SMPD4: variants seen among roughly 807,000 people sequenced by gnomAD.
SMPD4 encodes the protein sphingomyelin phosphodiesterase 4, also known as neutral sphingomyelinase 3.
A neutral mutation model predicts 97.8 loss-of-function variants in SMPD4; 58 were observed. The observed-to-expected ratio is 0.59, with a 90% CI of 0.48 to 0.74. The LOEUF (loss-of-function observed/expected upper bound fraction) is 0.74. SMPD4 is among the 30% of genes least tolerant of loss of function. The probability of loss-of-function intolerance (pLI) is 0.00; values close to 1 mark genes in which losing one functional copy is unlikely to be tolerated. For synonymous variants in SMPD4, 388 were observed against 450.0 expected (o/e 0.86, Z 1.74); for missense variants, 853 against 1,080.5 (o/e 0.79, Z 2.95).
chr2:130,156,344 T>C (rs1288633240), intron 13 of SMPD4: 1 of 654,120 alleles, frequency 1.5e-6, no homozygotes, highest in Non-Finnish European at 2.7e-6. Flanking sequence ...GGGGGCAGAG[T>C]ACTCCCTGGT....
rs542245390 is a variant in SMPD4, at chr2:130,157,334, G to A, written c.1014C>T (p.His338=). ...LVVRLLLKHL[H]AFANSLKPEQ... Reference sequence around the variant, plus strand: ...CTGGCTTCAGGCTGTTGGCAAAGGCGTGCAGGTGCTTCAGCAGCAGGCGCA... The same window carrying A: ...CTGGCTTCAGGCTGTTGGCAAAGGCATGCAGGTGCTTCAGCAGCAGGCGCA... The change falls in exon 12 of 20, where the codon CAC becomes CAT. Residue 338 remains histidine (H), a synonymous_variant. Transcript: ENST00000680298. 2.2e-5 allele frequency: 35 copies of A among 1,595,068 alleles called. No homozygotes were observed. The East Asian group carries it at 2.7e-4, about 12-fold the overall frequency.
At chr2:130,181,303 G>C in intron 1 of SMPD4, 1 of 1,419,646 alleles carries the variant, frequency 7.0e-7, no homozygotes, top group Non-Finnish European at 9.2e-7. Flanking sequence ...TACCGGACCG[G>C]GACAGAGTGT....
At chr2:130,173,438 A>G in intron 4 of SMPD4, 76 bp downstream of exon 4, 1 of 1,592,134 alleles carries the variant, frequency 6.3e-7, no homozygotes, top group Non-Finnish European at 8.6e-7. Flanking sequence ...TAATCTTGAG[A>G]AATTCAGAGA....
At chr2:130,173,131 G>A in intron 5 of SMPD4, 148 bp downstream of exon 5, 1 of 1,007,262 alleles carries the variant, frequency 9.9e-7, no homozygotes, top group Non-Finnish European at 1.5e-6. Context: ...TAGCAGTCAT[G>A]CAATACCCAT....
At chr2:130,180,017 G>T (rs186442286) in intron 1 of SMPD4, among the ~76,000 whole-genome samples, 28 of 143,132 alleles carry the variant, frequency 2.0e-4, no homozygotes, top group Admixed American at 1.3e-3. Context: ...AGAGTGGAGT[G>T]CAGTGGCGCG....
chr2:130,153,083 A>G lies in SMPD4; in HGVS notation c.2114T>C (p.Val705Ala). ...PIRSYEIASL[V>A]RTLFRLSSAI... ...AGACGACAGCCTAAAGAGTGTGCGG[A>G]CCAAGCTGGCGATCTCATAGCTCCG... The change falls in exon 19 of 20, where the codon GTC becomes GCC. Residue 705 changes from valine (V) to alanine (A), a missense_variant. Coordinates refer to ENST00000680298, the MANE Select transcript of SMPD4 (RefSeq NM_017951.5). 6.2e-7 allele frequency: 1 copy of G among 1,613,130 alleles called. No individual in the cohort carries two copies. Among genetic ancestry groups the G allele is most frequent in the Non-Finnish European group, 8.5e-7 (1 of 1,179,994 alleles).
chr2:130,161,381 G>A, intron 10 of SMPD4, 109 bp from the exon 11 acceptor site: 1 of 808,958 alleles, frequency 1.2e-6, no homozygotes, highest in Non-Finnish European at 2.1e-6. Context: ...GAAGCGGAGA[G>A]AGAAAGAAAG....
chr2:130,161,110 G>A (rs530532088), intron 11 of SMPD4, 76 bp downstream of exon 11: 25 of 1,423,380 alleles, frequency 1.8e-5, no homozygotes, highest in Admixed American at 1.1e-4. Flanking sequence ...ACCAGCGGCC[G>A]GCCCCGGCGG....
chr2:130,178,343 A>T (rs1158442928), intron 1 of SMPD4, among the ~76,000 whole-genome samples: 2 of 152,210 alleles, frequency 1.3e-5, no homozygotes, highest in African/African-American at 4.8e-5. Context: ...ACTTACCCCC[A>T]CCCAGCTAGT....
In SMPD4 at chr2:130,152,373, G is replaced by A; in HGVS notation, c.*182C>T. The A allele has an allele frequency of 1.5e-6, 1 of 666,582 alleles. No homozygotes were observed. The highest frequency in any genetic ancestry group is 2.5e-6 in the Non-Finnish European group (1 of 399,388). 41.3% of individuals were successfully genotyped at this position (666,582 alleles called of 1,614,324 possible). A position where few individuals can be genotyped will look rare whatever the true frequency, so the allele number is the denominator to read the frequency against. On this transcript the variant is annotated 3_prime_UTR_variant, in exon 20 of 20. Transcript: ENST00000680298. ...CCCTGGCAGCTACTCCTTTGCTGGG[G>A]CCCACCTGCCTTCCTTTCTTGGTTG...
chr2:130,165,989 G>GTT (rs1305288863), intron 9 of SMPD4, among the ~76,000 whole-genome samples: 1 of 151,994 alleles, frequency 6.6e-6, no homozygotes, highest in Non-Finnish European at 1.5e-5. Context: ...TAAGTTTCAT[G>GTT]TTATATATAT....
chr2:130,180,696 G>A (rs1336501668), intron 1 of SMPD4, among the ~76,000 whole-genome samples: 4 of 152,244 alleles, frequency 2.6e-5, no homozygotes, highest in South Asian at 2.1e-4. Flanking sequence ...GGACTGTTCG[G>A]TAAGTGCGGA....
chr2:130,164,736 C>CA (rs1261828660), intron 9 of SMPD4, among the ~76,000 whole-genome samples: 1 of 151,020 alleles, frequency 6.6e-6, no homozygotes, highest in Non-Finnish European at 1.5e-5. Context: ...GCACAGGCAA[C>CA]AAAAGGAAAA....
chr2:130,154,328 CT>C lies in SMPD4; in HGVS notation c.1607del (p.Glu536GlyfsTer217). On this transcript the variant is annotated frameshift_variant, in exon 16 of 20. Transcript: ENST00000680298. LOFTEE classifies it high-confidence loss of function. ...TCGGGGTGTACTTGCAGTCCTGGCC[CT>C]CCAGGCTGTAGACGTGGCTCTTCAC... ...FKVKSHVYSLEGQDCKYTPMF... is the reference protein window; with the variant it reads ...FKVKSHVYSLXGQDCKYTPMF... 2 of 1,610,990 alleles carry C rather than the reference CT, an allele frequency of 1.2e-6. No homozygotes were observed. The highest frequency in any genetic ancestry group is 8.5e-7 in the Non-Finnish European group (1 of 1,178,820).
At chr2:130,174,099 C>T (rs1166269193) in intron 3 of SMPD4, among the ~76,000 whole-genome samples, 1 of 152,222 alleles carries the variant, frequency 6.6e-6, no homozygotes, top group Non-Finnish European at 1.5e-5. Flanking sequence ...TGGCTCACTG[C>T]AGCCTCGACT....
intron 8 of SMPD4, among the ~76,000 whole-genome samples, chr2:130,171,909 AC>A (rs1688505465): frequency 2.6e-5 from 4 of 152,242 alleles, no homozygotes; most frequent in Admixed American, 1.3e-4. Flanking sequence ...CTGTGCAGGC[AC>A]GCATCAGGCT....
upstream of SMPD4, chr2:130,181,696 G>C (rs1445793012): frequency 6.5e-7 from 1 of 1,549,346 alleles, no homozygotes; most frequent in African/African-American, 1.4e-5. Flanking sequence ...GCAAAGCGAA[G>C]GCCGGCCGGG....
intron 9 of SMPD4, among the ~76,000 whole-genome samples, chr2:130,166,345 C>A (rs1328374283): frequency 6.6e-6 from 1 of 150,558 alleles, no homozygotes; most frequent in African/African-American, 2.4e-5. Flanking sequence ...TGCTTTGGCC[C>A]AGGGAACAGC....
intron 10 of SMPD4, among the ~76,000 whole-genome samples, chr2:130,163,665 T>C (rs1005855790): frequency 3.9e-5 from 6 of 152,214 alleles, no homozygotes; most frequent in African/African-American, 9.6e-5. Flanking sequence ...AGCTGCTCCA[T>C]GGAGATGACT....
Sources: gnomAD v4.1 joint callset for allele counts (sites outside exome capture counted in the v4.1 genomes callset) on GRCh38, gnomAD v4.1.1 for gene constraint, MANE v1.5 for transcripts, NCBI Gene and HGNC (gene_info 2026-07-23, HGNC 2026-07-21) for gene names.